The following FTO variants were observed in gnomAD, a reference collection of about 807,000 sequenced individuals.
FTO encodes the protein FTO alpha-ketoglutarate dependent dioxygenase, also known as alpha-ketoglutarate-dependent dioxygenase FTO.
FTO carries 47 observed loss-of-function variants against 63.9 expected under a neutral mutation model. That is an observed-to-expected ratio of 0.74 (90% CI 0.58 to 0.94). The LOEUF is 0.94. FTO is among the 40% of genes least tolerant of loss of function. The pLI is 0.00. For missense variants in FTO, 562 were observed against 618.1 expected, an observed-to-expected ratio of 0.91 and a Z score of 0.96; for synonymous variants, 207 against 224.4, an observed-to-expected ratio of 0.92 and a Z score of 0.69.
chr16:53,967,611 C>G (rs1438478758), intron 8 of FTO, among the ~76,000 whole-genome samples: 4 of 152,162 alleles, frequency 2.6e-5, no homozygotes, highest in African/African-American at 9.7e-5. Context: ...TATTTTAAAG[C>G]AAGTGCATAT....
At chr16:53,970,415 C>T (rs527643965) in intron 8 of FTO, among the ~76,000 whole-genome samples, 14 of 151,916 alleles carry the variant, frequency 9.2e-5, no homozygotes, top group Non-Finnish European at 1.5e-4. Flanking sequence ...CATGGAGAAT[C>T]CCCATCTCTA....
chr16:53,795,766 A>G (rs2078049534), intron 1 of FTO, among the ~76,000 whole-genome samples: 1 of 152,244 alleles, frequency 6.6e-6, no homozygotes, highest in Non-Finnish European at 1.5e-5. Context: ...AATGCCAATT[A>G]CCTACGAAAG....
chr16:54,062,434 C>T (rs1423276711), intron 8 of FTO, among the ~76,000 whole-genome samples: 2 of 152,162 alleles, frequency 1.3e-5, no homozygotes, highest in Non-Finnish European at 1.5e-5. Context: ...CACACGCTGG[C>T]TTCCTCAGTG....
At chr16:53,785,722 C>T in intron 1 of FTO, among the ~76,000 whole-genome samples, 1 of 151,702 alleles carries the variant, frequency 6.6e-6, no homozygotes, top group East Asian at 1.9e-4. Context: ...CCATCCTGAC[C>T]AACATGGTGA....
chr16:53,720,092 C>T (rs562119667), intron 1 of FTO, among the ~76,000 whole-genome samples: 138 of 152,052 alleles, frequency 9.1e-4, no homozygotes, highest in Non-Finnish European at 1.8e-3. Context: ...GTTTAGCTCT[C>T]CAACTACCAG....
At chr16:53,891,197 G>A (rs55671011) in intron 7 of FTO, among the ~76,000 whole-genome samples, 18,023 of 151,758 alleles carry the variant, frequency 0.12, 1,280 homozygotes, top group South Asian at 0.26. Flanking sequence ...TCACCATGTT[G>A]GCCAGGCTGG....
chr16:53,713,239 A>G (rs2075818396), intron 1 of FTO, among the ~76,000 whole-genome samples: 1 of 152,216 alleles, frequency 6.6e-6, no homozygotes, highest in African/African-American at 2.4e-5. Flanking sequence ...AGCAACTGTC[A>G]ACACTTGTTT....
intron 1 of FTO, among the ~76,000 whole-genome samples, chr16:53,743,286 G>A (rs2076570651): frequency 6.6e-6 from 1 of 152,050 alleles, no homozygotes; most frequent in Non-Finnish European, 1.5e-5. Flanking sequence ...GCTCCTTTTG[G>A]TTCTTTCTCC....
intron 6 of FTO, among the ~76,000 whole-genome samples, chr16:53,880,748 C>T (rs1244089813): frequency 6.6e-6 from 1 of 151,944 alleles, no homozygotes; most frequent in East Asian, 1.9e-4. Context: ...GATCTCTCAC[C>T]TCTGAAAAGC....
rs545216600 is a variant in FTO, at chr16:53,787,577, T to C, written c.46-22563T>C. 4.4e-4 allele frequency among the ~76,000 whole-genome samples: 67 copies of C among 152,240 alleles called. 2 individuals are homozygous for C. The South Asian group carries it at 0.013, about 30-fold the overall frequency. On this transcript the variant is annotated intron_variant, in intron 1 of 8. Transcript: ENST00000471389. ...ATTTTGTATTAGGTTTCAAAGGAATTGTTGTCAGTAGGAGAAGCCTGATTG... is the reference window on the plus strand; with the variant it reads ...ATTTTGTATTAGGTTTCAAAGGAATCGTTGTCAGTAGGAGAAGCCTGATTG...
rs2086955977 is a variant in FTO, at chr16:54,114,512, A to T, written c.*2597A>T. ...CCTTTTGCATGGATGAGCCAGCTTC[A>T]CTGTCCTGGGTGGGGCCCAGGTGGA... On this transcript the variant is annotated 3_prime_UTR_variant, in exon 9 of 9. Transcript: ENST00000471389. 1 of 152,214 alleles carries T rather than the reference A, an allele frequency of 6.6e-6. No individual in the cohort carries two copies. Among genetic ancestry groups the T allele is most frequent in the African/African-American group, 2.4e-5 (1 of 41,448 alleles). 9.4% of individuals were successfully genotyped at this position (152,214 alleles called of 1,614,324 possible). A position where few individuals can be genotyped will look rare whatever the true frequency, so the allele number is the denominator to read the frequency against.
At chr16:54,027,233 C>T (rs577496603) in intron 8 of FTO, among the ~76,000 whole-genome samples, 1 of 152,246 alleles carries the variant, frequency 6.6e-6, no homozygotes, top group East Asian at 1.9e-4. Context: ...ACTTAGTATC[C>T]TCTGACTGCC....
intron 8 of FTO, among the ~76,000 whole-genome samples, chr16:53,970,482 C>T (rs755459450): frequency 1.3e-5 from 2 of 150,000 alleles, no homozygotes; most frequent in Non-Finnish European, 3.0e-5. Context: ...CCCAACTACT[C>T]GGGAGGCTGA....
chr16:53,990,561 GTC>G (rs1222230242), intron 8 of FTO, among the ~76,000 whole-genome samples: 11 of 152,234 alleles, frequency 7.2e-5, no homozygotes, highest in African/African-American at 2.4e-4. Flanking sequence ...GGCAGGCACT[GTC>G]TCTTCTCTTA....
intron 8 of FTO, among the ~76,000 whole-genome samples, chr16:54,085,917 A>C (rs1293086015): frequency 6.6e-6 from 1 of 152,162 alleles, no homozygotes; most frequent in East Asian, 1.9e-4. Context: ...TGATGCCTTC[A>C]GCTTTTGGGG....
At chr16:53,788,696 T>C (rs1171348467) in intron 1 of FTO, among the ~76,000 whole-genome samples, 2 of 152,148 alleles carry the variant, frequency 1.3e-5, no homozygotes, top group African/African-American at 4.8e-5. Context: ...GTACTGGCAT[T>C]TCTTCTTCAC....
intron 1 of FTO, among the ~76,000 whole-genome samples, chr16:53,770,183 G>A (rs999422032): frequency 6.6e-6 from 1 of 152,126 alleles, no homozygotes; most frequent in Non-Finnish European, 1.5e-5. Flanking sequence ...ATAAAATGGA[G>A]CCTTATATCA....
chr16:54,114,839 G>A lies in FTO; in HGVS notation c.*2924G>A, dbSNP rs1035474000. ...CAAATCGCTTGGCCCGGGAGGCGGAGGTTGCAGTGAGCCGAGATCATGCCA... is the reference window on the plus strand; with the variant it reads ...CAAATCGCTTGGCCCGGGAGGCGGAAGTTGCAGTGAGCCGAGATCATGCCA... On this transcript the variant is annotated 3_prime_UTR_variant, in exon 9 of 9. Coordinates refer to ENST00000471389, the MANE Select transcript of FTO (RefSeq NM_001080432.3). 2.6e-5 allele frequency: 4 copies of A among 152,534 alleles called. No individual in the cohort carries two copies. The highest frequency in any genetic ancestry group is 6.5e-5 in the Admixed American group (1 of 15,284). The allele number at this position is 152,534 out of a possible 1,614,324, so 9.4% of individuals were successfully genotyped here.
intron 7 of FTO, among the ~76,000 whole-genome samples, chr16:53,894,165 G>A (rs921360668): frequency 6.6e-6 from 1 of 152,180 alleles, no homozygotes; most frequent in Non-Finnish European, 1.5e-5. Context: ...GGTAAAGGTT[G>A]TGCCTGACAA....
Sources: gnomAD v4.1 joint callset for allele counts (sites outside exome capture counted in the v4.1 genomes callset) on GRCh38, gnomAD v4.1.1 for gene constraint, MANE v1.5 for transcripts, NCBI Gene and HGNC (gene_info 2026-07-23, HGNC 2026-07-21) for gene names.